The following DIAPH2 variants were observed in gnomAD, a reference collection of about 807,000 sequenced individuals.
DIAPH2 encodes diaphanous related formin 2, also known as protein diaphanous homolog 2.
Under a neutral mutation model 92.7 loss-of-function variants are expected in DIAPH2, and 35 were observed. The observed-to-expected ratio is 0.38, with a 90% CI of 0.29 to 0.50. DIAPH2 has a LOEUF of 0.50. DIAPH2 is among the 20% of genes least tolerant of loss of function. The probability of loss-of-function intolerance (pLI) is 0.94; values close to 1 mark genes in which losing one functional copy is unlikely to be tolerated. For synonymous variants in DIAPH2, 301 were observed against 280.4 expected, an observed-to-expected ratio of 1.07 and a Z score of -0.73; for missense variants, 701 against 819.5, an observed-to-expected ratio of 0.86 and a Z score of 1.77.
chrX:97,156,051 T>C (rs767151858), intron 22 of DIAPH2, among the ~76,000 whole-genome samples: 1 of 112,290 alleles, frequency 8.9e-6, no homozygotes, highest in East Asian at 2.8e-4. Flanking sequence ...GTGAGCAGCA[T>C]ATCTCTGACA....
intron 5 of DIAPH2, among the ~76,000 whole-genome samples, chrX:96,903,381 C>G (rs1367112394): frequency 9.0e-6 from 1 of 111,544 alleles, no homozygotes; most frequent in Non-Finnish European, 1.9e-5. Context: ...CAAAATTCCA[C>G]AAAACTAAAT....
intron 23 of DIAPH2, among the ~76,000 whole-genome samples, chrX:97,269,556 C>G (rs1310654722): frequency 9.0e-6 from 1 of 111,126 alleles, no homozygotes; most frequent in Admixed American, 9.6e-5. Context: ...CTGTTTGCTG[C>G]GAAAAGGAAT....
intron 25 of DIAPH2, among the ~76,000 whole-genome samples, chrX:97,423,459 A>G (rs2070030486): frequency 8.9e-6 from 1 of 111,878 alleles, no homozygotes. Context: ...ATCATCTCCA[A>G]ACCCTTTTGT....
chrX:97,349,675 T>C (rs2069193606), intron 24 of DIAPH2, among the ~76,000 whole-genome samples: 2 of 111,179 alleles, frequency 1.8e-5, no homozygotes, highest in African/African-American at 6.5e-5. Flanking sequence ...AGTATGATCA[T>C]ATGTCTTCTT....
chrX:96,836,713 ATATATTTTTTTTTT>A (rs2064893344), intron 4 of DIAPH2, among the ~76,000 whole-genome samples: 1 of 22,720 alleles, frequency 4.4e-5, no homozygotes, highest in African/African-American at 1.8e-4. Flanking sequence ...ATATATATAT[ATATATTTTTTTTTT>A]TTTTTTTTTT....
chrX:97,038,042 T>G (rs2066422878), intron 17 of DIAPH2, among the ~76,000 whole-genome samples: 1 of 111,260 alleles, frequency 9.0e-6, no homozygotes, highest in African/African-American at 3.3e-5. Context: ...CCAGTGTCGA[T>G]TATCCCAATC....
chrX:97,389,642 G>A (rs943380977), intron 25 of DIAPH2, among the ~76,000 whole-genome samples: 1 of 110,973 alleles, frequency 9.0e-6, no homozygotes, highest in Non-Finnish European at 1.9e-5. Context: ...GTGTCTAGTT[G>A]TTATAGGACC....
intron 12 of DIAPH2, 43 bp from the exon 13 acceptor site, chrX:96,941,975 C>T: frequency 2.8e-6 from 2 of 723,244 alleles, no homozygotes; most frequent in Non-Finnish European, 4.3e-6. Context: ...AATTGATCTG[C>T]ATGGTTAGAA....
intron 26 of DIAPH2, among the ~76,000 whole-genome samples, chrX:97,570,199 G>A (rs1161700382): frequency 1.1e-5 from 1 of 92,011 alleles, no homozygotes; most frequent in Non-Finnish European, 2.1e-5. Flanking sequence ...GGCCATATGT[G>A]TATATGTATA....
intron 21 of DIAPH2, among the ~76,000 whole-genome samples, chrX:97,133,424 A>G (rs1163593607): frequency 9.0e-6 from 1 of 111,480 alleles, no homozygotes. Context: ...AGTTGCCAGG[A>G]TTACAGGCAT....
chrX:96,954,787 A>C (rs963003400), intron 15 of DIAPH2, among the ~76,000 whole-genome samples: 1 of 112,464 alleles, frequency 8.9e-6, no homozygotes, highest in Non-Finnish European at 1.9e-5. Context: ...AAAAATGTTG[A>C]TAAGCATATA....
At chrX:97,384,579 G>T in intron 25 of DIAPH2, among the ~76,000 whole-genome samples, 1 of 111,802 alleles carries the variant, frequency 8.9e-6, no homozygotes, top group Non-Finnish European at 1.9e-5. Flanking sequence ...AAAGTAAGTT[G>T]TTTGAGGCCG....
intron 5 of DIAPH2, among the ~76,000 whole-genome samples, chrX:96,886,096 T>C (rs1279902383): frequency 4.5e-5 from 5 of 110,695 alleles, no homozygotes; most frequent in African/African-American, 1.6e-4. Flanking sequence ...CAGAATTTTT[T>C]CTTTTCTATA....
At chrX:96,811,627 T>A (rs2064681962) in intron 4 of DIAPH2, among the ~76,000 whole-genome samples, 1 of 111,839 alleles carries the variant, frequency 8.9e-6, no homozygotes, top group Admixed American at 9.5e-5. Context: ...TTCCAGTTTT[T>A]GCCCATTCAG....
chrX:96,966,337 T>G (rs896014743), intron 17 of DIAPH2, among the ~76,000 whole-genome samples: 1 of 112,155 alleles, frequency 8.9e-6, no homozygotes, highest in African/African-American at 3.2e-5. Flanking sequence ...ATAATCACTG[T>G]TTAACGTTAA....
intron 5 of DIAPH2, among the ~76,000 whole-genome samples, chrX:96,895,131 G>C (rs2065336030): frequency 9.1e-6 from 1 of 109,636 alleles, no homozygotes; most frequent in African/African-American, 3.3e-5. Flanking sequence ...AGCCTTCCAA[G>C]TAGATGGGAT....
rs1286238941 is a variant in DIAPH2 at position 97,352,848 on chromosome X, G to C, written c.3009+4568G>C. 8.4e-5 allele frequency among the ~76,000 whole-genome samples: 8 copies of C among 95,514 alleles called. No individual in the cohort carries two copies. In the East Asian group the frequency reaches 1.6e-3, roughly 19 times the overall value. The allele number at this position is 95,514 out of a possible 115,157, so 82.9% of individuals were successfully genotyped here. A position where few individuals can be genotyped will look rare whatever the true frequency, so the allele number is the denominator to read the frequency against. On this transcript the variant is annotated intron_variant, in intron 24 of 26. Coordinates refer to ENST00000324765, the MANE Select transcript of DIAPH2 (RefSeq NM_006729.5). Reference sequence around the variant, plus strand: ...TCACGCCACTGTACTCCAGTCTGGGGGACAGAGTGAGAATCTGTCTCCAAA... The same window carrying C: ...TCACGCCACTGTACTCCAGTCTGGGCGACAGAGTGAGAATCTGTCTCCAAA...
intron 5 of DIAPH2, among the ~76,000 whole-genome samples, chrX:96,896,008 G>T (rs887508361): frequency 4.5e-5 from 5 of 111,597 alleles, no homozygotes; most frequent in Non-Finnish European, 7.5e-5. Flanking sequence ...CCAACTAATA[G>T]TTACTACATT....
At chrX:97,582,998 T>C (rs183767357) in intron 26 of DIAPH2, among the ~76,000 whole-genome samples, 3 of 112,271 alleles carry the variant, frequency 2.7e-5, no homozygotes, top group African/African-American at 9.7e-5. Flanking sequence ...CTTCACATAG[T>C]TCTCGAGCTT....
Sources: gnomAD v4.1 joint callset for allele counts (sites outside exome capture counted in the v4.1 genomes callset) on GRCh38, gnomAD v4.1.1 for gene constraint, MANE v1.5 for transcripts, NCBI Gene and HGNC (gene_info 2026-07-23, HGNC 2026-07-21) for gene names.